The following ATRNL1 variants were observed in gnomAD, a reference collection of about 807,000 sequenced individuals.
ATRNL1 encodes attractin like 1.
ATRNL1 carries 95 observed loss-of-function variants against 182.7 expected under a neutral mutation model. The observed-to-expected ratio is 0.52, with a 90% CI of 0.44 to 0.62. ATRNL1 has a LOEUF of 0.62. Ranked by LOEUF, ATRNL1 falls within the 20% of genes least tolerant of loss-of-function variation. ATRNL1 has a pLI of 0.00. For missense variants in ATRNL1, 1,471 were observed against 1,679.5 expected (o/e 0.88, Z 2.17); for synonymous variants, 576 against 568.3 (o/e 1.01, Z -0.19).
intron 19 of ATRNL1, among the ~76,000 whole-genome samples, chr10:115,371,772 A>G (rs1188699678): frequency 6.6e-6 from 1 of 152,086 alleles, no homozygotes; most frequent in African/African-American, 2.4e-5. Flanking sequence ...GGAAGACATG[A>G]TTGGTTTTGG....
chr10:115,366,615 G>A (rs1320241748), intron 19 of ATRNL1, among the ~76,000 whole-genome samples: 14 of 149,478 alleles, frequency 9.4e-5, no homozygotes, highest in Non-Finnish European at 1.8e-4. Flanking sequence ...TCCTAGTCTC[G>A]ATGGTCTTTA....
intron 26 of ATRNL1, among the ~76,000 whole-genome samples, chr10:115,688,610 C>A (rs1555047101): frequency 6.6e-6 from 1 of 152,010 alleles, no homozygotes; most frequent in Non-Finnish European, 1.5e-5. Flanking sequence ...ATCTTTATGT[C>A]TTCTTTTGAG....
chr10:115,516,437 G>A (rs1554983900), intron 24 of ATRNL1, among the ~76,000 whole-genome samples: 1 of 151,778 alleles, frequency 6.6e-6, no homozygotes, highest in Admixed American at 6.6e-5. Context: ...CCTTGTGCAA[G>A]CTACTATTGC....
intron 15 of ATRNL1, among the ~76,000 whole-genome samples, chr10:115,287,504 TTGTG>T (rs1852676307): frequency 5.1e-5 from 1 of 19,492 alleles, no homozygotes; most frequent in Non-Finnish European, 1.2e-4. Context: ...TTGAAACTGA[TTGTG>T]GAAAAATGTC....
intron 8 of ATRNL1, among the ~76,000 whole-genome samples, chr10:115,187,706 T>A (rs1848001874): frequency 6.7e-6 from 1 of 148,316 alleles, no homozygotes; most frequent in Non-Finnish European, 1.5e-5. Context: ...TTCTTTTTTT[T>A]TTTGAGATGG....
At chr10:115,630,075 T>G (rs1555025827) in intron 26 of ATRNL1, among the ~76,000 whole-genome samples, 1 of 152,182 alleles carries the variant, frequency 6.6e-6, no homozygotes, top group Non-Finnish European at 1.5e-5. Context: ...CTGTATATGG[T>G]GTCATATCCA....
intron 26 of ATRNL1, among the ~76,000 whole-genome samples, chr10:115,668,019 A>G (rs1244595358): frequency 1.3e-5 from 2 of 152,014 alleles, no homozygotes; most frequent in Non-Finnish European, 2.9e-5. Flanking sequence ...GTTTCAAAGG[A>G]TGGAGATGAG....
intron 3 of ATRNL1, among the ~76,000 whole-genome samples, chr10:115,123,949 G>A (rs916302696): frequency 6.6e-6 from 1 of 151,794 alleles, no homozygotes; most frequent in African/African-American, 2.4e-5. Context: ...CCCCAGATGG[G>A]ACCATCTAGT....
At chr10:115,108,097 G>T (rs1256207631) in intron 1 of ATRNL1, among the ~76,000 whole-genome samples, 2 of 152,066 alleles carry the variant, frequency 1.3e-5, no homozygotes, top group Non-Finnish European at 2.9e-5. Context: ...TTGCTTTTTT[G>T]TTCTTTACAT....
At chr10:115,111,777 A>C (rs563174963) in intron 1 of ATRNL1, among the ~76,000 whole-genome samples, 1 of 152,338 alleles carries the variant, frequency 6.6e-6, no homozygotes, top group Non-Finnish European at 1.5e-5. Flanking sequence ...CCTCAAAGTC[A>C]GATAGATAAT....
intron 26 of ATRNL1, among the ~76,000 whole-genome samples, chr10:115,569,391 T>C (rs1030322598): frequency 6.6e-6 from 1 of 152,216 alleles, no homozygotes; most frequent in Non-Finnish European, 1.5e-5. Flanking sequence ...ATTGCTTGCT[T>C]AATGGAAATT....
chr10:115,517,370 T>A (rs988610712), intron 24 of ATRNL1, among the ~76,000 whole-genome samples: 9 of 151,904 alleles, frequency 5.9e-5, no homozygotes, highest in African/African-American at 2.2e-4. Flanking sequence ...GCCTATTATA[T>A]CTTCTTACAG....
chr10:115,370,084 C>T (rs1554947569), intron 19 of ATRNL1, among the ~76,000 whole-genome samples: 1 of 152,178 alleles, frequency 6.6e-6, no homozygotes, highest in African/African-American at 2.4e-5. Flanking sequence ...AGTTTCCCTG[C>T]ACAAAATCTT....
intron 9 of ATRNL1, among the ~76,000 whole-genome samples, chr10:115,232,238 C>T (rs563788937): frequency 1.4e-4 from 21 of 152,252 alleles, no homozygotes; most frequent in Non-Finnish European, 2.4e-4. Context: ...CCCATTTCTT[C>T]TCAACAATCT....
At chr10:115,134,616 G>A (rs1845416694) in intron 5 of ATRNL1, among the ~76,000 whole-genome samples, 1 of 152,296 alleles carries the variant, frequency 6.6e-6, no homozygotes, top group South Asian at 2.1e-4. Context: ...ACAAGGAGGA[G>A]CTGGTACCAT....
chr10:115,490,672 C>T (rs1257324783), intron 24 of ATRNL1, among the ~76,000 whole-genome samples: 1 of 152,112 alleles, frequency 6.6e-6, no homozygotes, highest in East Asian at 1.9e-4. Context: ...TATGCTCCTC[C>T]ATGCTCCTTT....
At chr10:115,620,041 GGCTGGATAACTTAT>G (rs1277464809) in intron 26 of ATRNL1, among the ~76,000 whole-genome samples, 3 of 152,140 alleles carry the variant, frequency 2.0e-5, no homozygotes, top group East Asian at 3.9e-4. Flanking sequence ...GAATACCTAA[GGCTGGATAACTTAT>G]AAATAAAAGA....
intron 28 of ATRNL1, among the ~76,000 whole-genome samples, chr10:115,898,552 T>C (rs1952266666): frequency 2.0e-5 from 3 of 152,290 alleles, no homozygotes; most frequent in Middle Eastern, 6.8e-3. Context: ...AGCCCGTTAA[T>C]GTGGGGCCAA....
At chr10:115,331,055 C>A (rs114699591) in intron 18 of ATRNL1, among the ~76,000 whole-genome samples, 1,953 of 87,390 alleles carry the variant, frequency 0.022, 38 homozygotes, top group African/African-American at 0.076. Context: ...CTATTGATGC[C>A]CTTTATTGCA....
Sources: allele counts gnomAD v4.1 joint callset (sites outside exome capture counted in the v4.1 genomes callset), GRCh38; gene constraint gnomAD v4.1.1; transcripts MANE v1.5; gene names NCBI Gene and HGNC (gene_info 2026-07-23, HGNC 2026-07-21).